S100PBP: variants seen among roughly 807,000 people sequenced by gnomAD.
The protein encoded by S100PBP is S100P-binding protein.
Under a neutral mutation model 39.9 loss-of-function variants are expected in S100PBP, and 15 were observed. The observed-to-expected ratio is 0.38, with a 90% CI of 0.25 to 0.58. The LOEUF is 0.58. Ranked by LOEUF, S100PBP falls within the 20% of genes least tolerant of loss-of-function variation. The pLI, the probability that S100PBP is intolerant of heterozygous loss-of-function variation, is 0.70. For missense variants in S100PBP, 504 were observed against 487.3 expected, an observed-to-expected ratio of 1.03 and a Z score of -0.32; for synonymous variants, 178 against 180.3, an observed-to-expected ratio of 0.99 and a Z score of 0.10.
In S100PBP at chr1:32,858,670, C is replaced by T. The variant is rs1278538398; in HGVS notation, c.*2632C>T. ...TCCCACCATGGGGGTCTTGACAAAG[C>T]AGAGTAAAAATATGCTGTTTACATT... On this transcript the variant is annotated 3_prime_UTR_variant, in exon 7 of 7. Transcript: ENST00000373475. 1.3e-5 allele frequency: 2 copies of T among 152,172 alleles called. No homozygotes were observed. The highest frequency in any genetic ancestry group is 2.9e-5 in the Non-Finnish European group (2 of 68,034). 9.4% of individuals were successfully genotyped at this position (152,172 alleles called of 1,614,324 possible). A position where few individuals can be genotyped will look rare whatever the true frequency, so the allele number is the denominator to read the frequency against.
At chr1:32,842,945 T>C (rs1569916244) in intron 5 of S100PBP, 1 of 152,356 alleles carries the variant, frequency 6.6e-6, no homozygotes, top group East Asian at 1.9e-4. Context: ...CTTCTCTAAT[T>C]TCCTTCATAA....
intron 1 of S100PBP, among the ~76,000 whole-genome samples, chr1:32,822,757 T>A (rs963254508): frequency 1.1e-4 from 17 of 152,142 alleles, no homozygotes; most frequent in African/African-American, 4.1e-4. Context: ...CCCAGATCTA[T>A]TGGAACATAA....
chr1:32,821,214 C>T (rs1373715075), intron 1 of S100PBP, among the ~76,000 whole-genome samples: 3 of 152,168 alleles, frequency 2.0e-5, no homozygotes, highest in Non-Finnish European at 2.9e-5. Flanking sequence ...CTGAGGCGGA[C>T]GGATCACGAG....
At chr1:32,836,477 A>T in intron 5 of S100PBP, 1 of 883,904 alleles carries the variant, frequency 1.1e-6, no homozygotes, top group Non-Finnish European at 1.4e-6. Context: ...GCTATCCTAA[A>T]GGGTGTTAAA....
chr1:32,820,232 C>T (rs1455358816), intron 1 of S100PBP, among the ~76,000 whole-genome samples: 1 of 150,664 alleles, frequency 6.6e-6, no homozygotes, highest in Non-Finnish European at 1.5e-5. Context: ...CTGCAACCTC[C>T]GCTTCCTGGG....
intron 5 of S100PBP, chr1:32,843,317 T>TTTGTTGTTGTTG (rs3053877): frequency 6.7e-6 from 1 of 150,048 alleles, no homozygotes; most frequent in East Asian, 2.0e-4. Context: ...TTTCTTTTTG[T>TTTGTTGTTGTTG]TTGTTGTTGT....
chr1:32,829,820 G>T, intron 4 of S100PBP, 144 bp from the exon 5 acceptor site: 1 of 623,840 alleles, frequency 1.6e-6, no homozygotes. Context: ...GACTAATACT[G>T]TCCTCTGCCT....
At position 32,829,895 on chromosome 1, in the gene S100PBP, T is replaced by C. The variant is rs994311408; in HGVS notation, c.921-69T>C. On this transcript the variant is annotated intron_variant, in intron 4 of 6. Transcript: ENST00000373475. Reference sequence around the variant, plus strand: ...TAATCAATCAGCAGTATATCACTTCTCTCTACAAAACGCTATATTCCTGTT... The same window carrying C: ...TAATCAATCAGCAGTATATCACTTCCCTCTACAAAACGCTATATTCCTGTT... 1.7e-5 allele frequency: 18 copies of C among 1,063,052 alleles called. No individual in the cohort carries two copies. The African/African-American group carries it at 2.8e-4, about 17-fold the overall frequency. 65.9% of individuals were successfully genotyped at this position (1,063,052 alleles called of 1,614,324 possible). A position where few individuals can be genotyped will look rare whatever the true frequency, so the allele number is the denominator to read the frequency against.
At chr1:32,827,682 T>G (rs1639392902) in intron 3 of S100PBP, among the ~76,000 whole-genome samples, 1 of 152,032 alleles carries the variant, frequency 6.6e-6, no homozygotes, top group Non-Finnish European at 1.5e-5. Flanking sequence ...TGTTTCACCA[T>G]GTTGGCCAGG....
chr1:32,850,400 G>A (rs765472833), intron 5 of S100PBP, among the ~76,000 whole-genome samples: 2 of 152,196 alleles, frequency 1.3e-5, no homozygotes, highest in Non-Finnish European at 1.5e-5. Flanking sequence ...CGAGGTGAAA[G>A]TGGGGTATTG....
At chr1:32,855,269 T>C (rs553107438) in intron 6 of S100PBP, among the ~76,000 whole-genome samples, 71 of 152,222 alleles carry the variant, frequency 4.7e-4, no homozygotes, top group African/African-American at 1.7e-3. Flanking sequence ...TTTTAAATTT[T>C]AGAATGCGTA....
chr1:32,835,705 T>A (rs1277510700), intron 5 of S100PBP: 1 of 152,182 alleles, frequency 6.6e-6, no homozygotes, highest in African/African-American at 2.4e-5. Flanking sequence ...TCTTCAAGAT[T>A]TACCCATTGT....
Position 32,826,462 on chromosome 1 carries a change from A to C in S100PBP, c.363A>C (p.Thr121=), listed in dbSNP as rs758574548. The C allele has an allele frequency of 2.5e-6, 4 of 1,614,190 alleles. No homozygotes were observed. Among genetic ancestry groups the C allele is most frequent in the Middle Eastern group, 1.6e-4 (1 of 6,062 alleles). ...PDLFKLPQLS[T]SSGHGPAHTK... The stretch of plus-strand genomic sequence containing the variant: ...TCTTCAAACTACCTCAGCTAAGTAC[A>C]TCAAGTGGTCATGGACCAGCTCATA... Residue 121 remains threonine, a synonymous_variant, in exon 3 of 7, where the codon ACA becomes ACC. Transcript: ENST00000373475.
In S100PBP at chr1:32,826,166, C is replaced by G. The variant is rs757114211; in HGVS notation, c.67C>G (p.Pro23Ala). ...CTCTCTCTTGCCTAAAGACGGTGCC[C>G]CATTTTCTTGGGATTCCTTGGATGA... ...GTSLLPKDGA[P>A]FSWDSLDEDG... Residue 23 changes from proline (P) to alanine (A), a missense_variant, in exon 3 of 7, where the codon CCA becomes GCA. Transcript: ENST00000373475. 19 of 1,613,926 alleles carry G rather than the reference C, an allele frequency of 1.2e-5. No individual in the cohort carries two copies. Among genetic ancestry groups the G allele is most frequent in the Non-Finnish European group, 1.5e-5 (18 of 1,180,006 alleles).
intron 5 of S100PBP, among the ~76,000 whole-genome samples, chr1:32,841,820 TCTC>T: frequency 1.3e-5 from 2 of 152,086 alleles, no homozygotes; most frequent in African/African-American, 4.8e-5. Flanking sequence ...ACAAAAATTT[TCTC>T]CTATGTTTTT....
At position 32,855,906 on chromosome 1, in the gene S100PBP, C is replaced by A; in HGVS notation, c.1113-18C>A. ...AGTTGAAATAGCCTTCCTGTTTGTA[C>A]TCTCCCTCTCTCGATAGAAACTACG... On this transcript the variant is annotated intron_variant, in intron 6 of 6. Transcript: ENST00000373475. 2 of 1,578,282 alleles carry A rather than the reference C, an allele frequency of 1.3e-6. No homozygotes were observed. Among genetic ancestry groups the A allele is most frequent in the Non-Finnish European group, 1.7e-6 (2 of 1,149,908 alleles).
At chr1:32,829,782 A>G (rs923012455) in intron 4 of S100PBP, among the ~76,000 whole-genome samples, 182 bp from the exon 5 acceptor site, 2 of 151,978 alleles carry the variant, frequency 1.3e-5, no homozygotes, top group Admixed American at 1.3e-4. Context: ...TCTTGATTCC[A>G]TACTCCATTT....
chr1:32,837,923 T>A (rs1398144289), intron 5 of S100PBP, among the ~76,000 whole-genome samples: 1 of 152,200 alleles, frequency 6.6e-6, no homozygotes, highest in Non-Finnish European at 1.5e-5. Context: ...AATTTTTGGC[T>A]ATGACAGATA....
At chr1:32,852,057 G>A (rs941453611) in intron 5 of S100PBP, among the ~76,000 whole-genome samples, 4 of 152,162 alleles carry the variant, frequency 2.6e-5, no homozygotes, top group African/African-American at 9.6e-5. Context: ...CATGCATGGT[G>A]GCTCACACCT....
Sources: allele counts gnomAD v4.1 joint callset (sites outside exome capture counted in the v4.1 genomes callset), GRCh38; gene constraint gnomAD v4.1.1; transcripts MANE v1.5; gene names NCBI Gene and HGNC (gene_info 2026-07-23, HGNC 2026-07-21).